The following ACCSL variants were observed in gnomAD, a reference collection of about 807,000 sequenced individuals.
ACCSL encodes the protein 1-aminocyclopropane-1-carboxylate synthase homolog (inactive) like.
In ACCSL, 55 loss-of-function variants were observed where a neutral mutation model predicts 61.7. The ratio of observed to expected loss-of-function variants is 0.89; its 90% CI spans 0.72 to 1.12. The LOEUF is 1.12. Among genes scored for constraint, ACCSL ranks in the 50% most tolerant of loss-of-function variants. The probability of loss-of-function intolerance (pLI) is 0.00; values close to 1 mark genes in which losing one functional copy is unlikely to be tolerated. For missense variants in ACCSL, 632 were observed against 698.0 expected (o/e 0.91, Z 1.07); for synonymous variants, 258 against 264.3 (o/e 0.98, Z 0.23).
At chr11:44,002,654 G>C in the ACCSL span, among the ~76,000 whole-genome samples, 1 of 152,160 alleles carries the variant, frequency 6.6e-6, no homozygotes, top group Non-Finnish European at 1.5e-5. Flanking sequence ...TGAGGCCCTA[G>C]TTGGCATCTG....
chr11:44,018,190 C>A, the ACCSL span, among the ~76,000 whole-genome samples: 142 of 152,182 alleles, frequency 9.3e-4, no homozygotes, highest in African/African-American at 3.3e-3. Context: ...GCCACCTGGG[C>A]AGTACTTAAG....
chr11:43,985,046 G>A, the ACCSL span, among the ~76,000 whole-genome samples: 1 of 152,192 alleles, frequency 6.6e-6, no homozygotes, highest in East Asian at 1.9e-4. Context: ...GAAACTCGGA[G>A]AACTGCAGGG....
the ACCSL span, among the ~76,000 whole-genome samples, chr11:43,960,029 G>T: frequency 6.6e-6 from 1 of 152,138 alleles, no homozygotes; most frequent in South Asian, 2.1e-4. Flanking sequence ...GACCAGCTGG[G>T]TGGTTTTTAG....
the ACCSL span, among the ~76,000 whole-genome samples, chr11:43,922,521 TC>T: frequency 6.6e-6 from 1 of 152,194 alleles, no homozygotes; most frequent in Non-Finnish European, 1.5e-5. Flanking sequence ...TTAATCAGCA[TC>T]AGCATCCTCT....
the ACCSL span, among the ~76,000 whole-genome samples, chr11:44,009,949 A>T: frequency 2.6e-5 from 4 of 152,150 alleles, no homozygotes; most frequent in African/African-American, 9.7e-5. Flanking sequence ...TCTCTTATTA[A>T]TGATGGTAAA....
intron 3 of ACCSL, 103 bp from the exon 4 acceptor site, chr11:44,051,232 G>A: frequency 8.7e-7 from 1 of 1,146,786 alleles, no homozygotes; most frequent in Non-Finnish European, 1.3e-6. Context: ...TATGAGGTTG[G>A]ACTGAGTAGA....
chr11:44,006,214 G>A, the ACCSL span, among the ~76,000 whole-genome samples: 1 of 152,208 alleles, frequency 6.6e-6, no homozygotes, highest in African/African-American at 2.4e-5. Flanking sequence ...GGTGCTAGGT[G>A]GGAGGGCAAA....
At chr11:44,001,620 C>T in the ACCSL span, among the ~76,000 whole-genome samples, 2 of 151,702 alleles carry the variant, frequency 1.3e-5, no homozygotes, top group Admixed American at 6.6e-5. Flanking sequence ...GCATTCCTGC[C>T]TTGTGCAAGC....
chr11:44,004,068 AC>A, the ACCSL span, among the ~76,000 whole-genome samples: 1 of 152,044 alleles, frequency 6.6e-6, no homozygotes, highest in Non-Finnish European at 1.5e-5. Context: ...GGTATCTGGG[AC>A]CCTGACTGCC....
chr11:44,059,702 C>G (rs187794605), intron 13 of ACCSL, 136 bp from the exon 14 acceptor site: 2 of 625,304 alleles, frequency 3.2e-6, no homozygotes, highest in Non-Finnish European at 5.6e-6. Context: ...GAAATCCATC[C>G]CAAAGGTGGG....
chr11:43,975,588 T>G, the ACCSL span, among the ~76,000 whole-genome samples: 1 of 152,174 alleles, frequency 6.6e-6, no homozygotes, highest in Non-Finnish European at 1.5e-5. Context: ...TATCTCAGAT[T>G]TGTGTGTGTG....
the ACCSL span, among the ~76,000 whole-genome samples, chr11:44,042,143 T>C: frequency 6.6e-6 from 1 of 152,206 alleles, no homozygotes; most frequent in Non-Finnish European, 1.5e-5. Context: ...CCATAGTTCA[T>C]TAAACTTCAT....
the ACCSL span, among the ~76,000 whole-genome samples, chr11:44,000,012 A>T: frequency 3.3e-5 from 5 of 152,230 alleles, no homozygotes; most frequent in Admixed American, 3.3e-4. Context: ...AGCACGGTGT[A>T]TCATGACTGT....
chr11:44,020,580 A>G, the ACCSL span, among the ~76,000 whole-genome samples: 1 of 152,154 alleles, frequency 6.6e-6, no homozygotes, highest in Non-Finnish European at 1.5e-5. Context: ...AGATAATCAC[A>G]TGGTTTTTGT....
chr11:44,043,479 A>AT (rs1276711295), upstream of ACCSL, among the ~76,000 whole-genome samples: 4 of 151,832 alleles, frequency 2.6e-5, no homozygotes, highest in Admixed American at 2.0e-4. Flanking sequence ...TGAAAGGTAC[A>AT]TTTTTTTCCT....
the ACCSL span, among the ~76,000 whole-genome samples, chr11:44,024,155 T>C: frequency 6.6e-6 from 1 of 152,198 alleles, no homozygotes; most frequent in Non-Finnish European, 1.5e-5. Context: ...ATGGTCTGAA[T>C]AGAACAAAAA....
chr11:43,956,382 G>A, the ACCSL span, among the ~76,000 whole-genome samples: 1 of 152,112 alleles, frequency 6.6e-6, no homozygotes, highest in Non-Finnish European at 1.5e-5. Flanking sequence ...AGAGGGGGTT[G>A]ATTAGATCAG....
At chr11:44,039,961 C>A in the ACCSL span, among the ~76,000 whole-genome samples, 1 of 152,228 alleles carries the variant, frequency 6.6e-6, no homozygotes, top group East Asian at 1.9e-4. Context: ...CCTCATACCA[C>A]CCTCGGGGAG....
At chr11:43,971,000 T>C in the ACCSL span, among the ~76,000 whole-genome samples, 1 of 152,128 alleles carries the variant, frequency 6.6e-6, no homozygotes, top group Non-Finnish European at 1.5e-5. Context: ...AGATTTTCTG[T>C]AGGAAGTAGA....
Sources: allele counts gnomAD v4.1 joint callset (sites outside exome capture counted in the v4.1 genomes callset), GRCh38; gene constraint gnomAD v4.1.1; transcripts MANE v1.5; gene names NCBI Gene and HGNC (gene_info 2026-07-23, HGNC 2026-07-21).